Variants in NTN4 observed in about 807,000 individuals in gnomAD.
The protein encoded by NTN4 is netrin-4.
Under a neutral mutation model 73.6 loss-of-function variants are expected in NTN4, and 32 were observed. That is an observed-to-expected ratio of 0.44 (90% CI 0.33 to 0.58). The LOEUF (loss-of-function observed/expected upper bound fraction) is 0.58, where lower values mean the gene tolerates loss of function less well. NTN4 is among the 20% of genes least tolerant of loss of function. NTN4 has a pLI of 0.04. For missense variants in NTN4, 654 were observed against 798.3 expected, an observed-to-expected ratio of 0.82 and a Z score of 2.18; for synonymous variants, 258 against 287.5, an observed-to-expected ratio of 0.90 and a Z score of 1.04.
intron 7 of NTN4, among the ~76,000 whole-genome samples, chr12:95,678,740 A>T (rs34528271): frequency 0.14 from 20,651 of 152,124 alleles, 1,620 homozygotes; most frequent in African/African-American, 0.21. Flanking sequence ...GAATCAGTAA[A>T]CAAGTTCAGC....
intron 3 of NTN4, among the ~76,000 whole-genome samples, chr12:95,716,184 TC>T (rs2078603776): frequency 6.6e-6 from 1 of 151,960 alleles, no homozygotes; most frequent in Admixed American, 6.6e-5. Context: ...GGGAGTTCTA[TC>T]TAAGGAGGGC....
chr12:95,661,953 T>C (rs142053106), intron 9 of NTN4, among the ~76,000 whole-genome samples: 35 of 152,148 alleles, frequency 2.3e-4, no homozygotes, highest in African/African-American at 7.7e-4. Flanking sequence ...AGTTGGGAAA[T>C]AGAAATATGA....
chr12:95,758,063 CATT>C (rs548330084), intron 2 of NTN4, among the ~76,000 whole-genome samples: 167 of 152,234 alleles, frequency 1.1e-3, no homozygotes, highest in Non-Finnish European at 2.1e-3. Flanking sequence ...ACGCAGAAGT[CATT>C]ATAAGCATGT....
In NTN4 at chr12:95,677,836, G is replaced by T. The variant is rs549158379; in HGVS notation, c.1510+4871C>A. ...TTTGGCCCAGCAATCCCATTACTGG[G>T]TATACACCCAAAGGATTCTAAATCA... On this transcript the variant is annotated intron_variant, in intron 7 of 9. Transcript: ENST00000343702. 3.3e-5 allele frequency among the ~76,000 whole-genome samples: 5 copies of T among 152,294 alleles called. No individual in the cohort carries two copies. In the East Asian group the frequency reaches 9.6e-4, roughly 29 times the overall value.
chr12:95,758,755 G>A (rs972954843), intron 2 of NTN4, among the ~76,000 whole-genome samples: 49 of 152,022 alleles, frequency 3.2e-4, no homozygotes, highest in African/African-American at 1.1e-3. Flanking sequence ...TGTAGAGATG[G>A]GATCTCCCTA....
intron 2 of NTN4, among the ~76,000 whole-genome samples, chr12:95,767,570 T>C (rs1442944438): frequency 6.6e-6 from 1 of 152,172 alleles, no homozygotes; most frequent in African/African-American, 2.4e-5. Context: ...GCCAAATAGC[T>C]GCACAAGCTT....
chr12:95,775,644 G>A (rs11108260), intron 2 of NTN4, among the ~76,000 whole-genome samples: 29,192 of 152,240 alleles, frequency 0.19, 3,072 homozygotes, highest in African/African-American at 0.26. Flanking sequence ...AGGGGTGCCC[G>A]CTATTGCTGA....
chr12:95,774,329 G>A (rs936036877), intron 2 of NTN4, among the ~76,000 whole-genome samples: 5 of 152,138 alleles, frequency 3.3e-5, no homozygotes, highest in Admixed American at 6.6e-5. Context: ...CTAGGTTTCA[G>A]TTTCTTTGTC....
intron 5 of NTN4, among the ~76,000 whole-genome samples, chr12:95,692,590 G>T (rs1028480657): frequency 1.3e-5 from 2 of 152,168 alleles, no homozygotes; most frequent in African/African-American, 4.8e-5. Flanking sequence ...TGCTGTGTAG[G>T]ACTTTCTAGC....
In NTN4 at chr12:95,731,698, A is replaced by G. The variant is rs538245002; in HGVS notation, c.864+6168T>C. On this transcript the variant is annotated intron_variant, in intron 3 of 9. Transcript: ENST00000343702. The stretch of plus-strand genomic sequence containing the variant: ...CAGCCTCATCGCCCCTGCCCTCTCC[A>G]ATCCTTTTTCCCCTCCCTCTCTTTT... 4.7e-4 allele frequency among the ~76,000 whole-genome samples: 71 copies of G among 152,190 alleles called. 1 individual carries two copies. Among genetic ancestry groups the G allele is most frequent in the Non-Finnish European group, 9.6e-4 (65 of 68,012 alleles).
At chr12:95,711,363 T>C (rs2078564131) in intron 4 of NTN4, among the ~76,000 whole-genome samples, 1 of 152,188 alleles carries the variant, frequency 6.6e-6, no homozygotes, top group Non-Finnish European at 1.5e-5. Context: ...TTTTACCCTC[T>C]CTTTTGGTAA....
Position 95,668,149 on chromosome 12 carries a change from T to C in NTN4, c.1579+1929A>G, listed in dbSNP as rs1216727939. On this transcript the variant is annotated intron_variant, in intron 8 of 9. Coordinates refer to ENST00000343702, the MANE Select transcript of NTN4 (RefSeq NM_021229.4). ...GTAAGCAAGTAAGTCAAGTGTTTTT[T>C]TTTTTTTTTTCTATTAAGCCAGGGA... Among the ~76,000 whole-genome samples the C allele has an allele frequency of 2.0e-5, 3 of 151,876 alleles. No homozygotes were observed. In the East Asian group the frequency reaches 5.8e-4, roughly 29 times the overall value.
intron 5 of NTN4, among the ~76,000 whole-genome samples, chr12:95,699,272 A>G (rs1304739171): frequency 1.3e-5 from 2 of 152,264 alleles, no homozygotes; most frequent in Non-Finnish European, 2.9e-5. Flanking sequence ...AGAGACCTCA[A>G]TAACCTTTGG....
intron 2 of NTN4, among the ~76,000 whole-genome samples, chr12:95,741,642 A>T (rs2078827929): frequency 7.5e-6 from 1 of 133,104 alleles, no homozygotes. Context: ...TATATATAAA[A>T]ATTATATATA....
intron 3 of NTN4, among the ~76,000 whole-genome samples, chr12:95,722,145 T>C (rs2078653242): frequency 6.6e-6 from 1 of 151,702 alleles, no homozygotes; most frequent in Non-Finnish European, 1.5e-5. Context: ...TCTTTCTCTA[T>C]ACAGCATGGC....
intron 2 of NTN4, among the ~76,000 whole-genome samples, chr12:95,773,161 G>T (rs2079069506): frequency 1.3e-5 from 2 of 151,896 alleles, no homozygotes; most frequent in Non-Finnish European, 2.9e-5. Flanking sequence ...CTGCCACCAC[G>T]CCCAGCTAAT....
Position 95,790,568 on chromosome 12 carries a change from T to G in NTN4, c.-259A>C. On this transcript the variant is annotated 5_prime_UTR_variant, in exon 1 of 10. It removes an upstream start codon present in the reference 5' UTR. Transcript: ENST00000343702. This position sits in a 1 kb window ranked among gnomAD's most constrained non-coding sequence, Gnocchi z 6.5. Reference sequence around the variant, plus strand: ...GGGGGCGGCGGGAGCCCCGGGACCATAGCCGGCCTGGCTGCGCTGCCCCGC... The same window carrying G: ...GGGGGCGGCGGGAGCCCCGGGACCAGAGCCGGCCTGGCTGCGCTGCCCCGC... The G allele has an allele frequency of 3.3e-6, 1 of 299,852 alleles. No individual in the cohort carries two copies. The highest frequency in any genetic ancestry group is 6.1e-6 in the Non-Finnish European group (1 of 163,850). The allele number at this position is 299,852 out of a possible 1,614,324, so 18.6% of individuals were successfully genotyped here.
chr12:95,731,342 C>T (rs1282072669), intron 3 of NTN4, among the ~76,000 whole-genome samples: 6 of 152,056 alleles, frequency 3.9e-5, no homozygotes, highest in Non-Finnish European at 7.4e-5. Flanking sequence ...GCAAGGTGGG[C>T]AGATCACCTG....
rs369195778 is a variant in NTN4, at chr12:95,730,623, G to A, written c.864+7243C>T. On this transcript the variant is annotated intron_variant, in intron 3 of 9. Transcript: ENST00000343702. The stretch of plus-strand genomic sequence containing the variant: ...ACACTAACAATTTCCAGCCATGAAC[G>A]TGAATTTGGCTTGCCCTTCTATTAG... Among the ~76,000 whole-genome samples, 43 of 152,314 alleles carry A rather than the reference G, an allele frequency of 2.8e-4. No individual in the cohort carries two copies. The South Asian group carries it at 8.5e-3, about 30-fold the overall frequency.
Sources: gnomAD v4.1 joint callset for allele counts (sites outside exome capture counted in the v4.1 genomes callset) on GRCh38, gnomAD v4.1.1 for gene constraint, Gnocchi (gnomAD v3.1) non-coding constraint, MANE v1.5 for transcripts, NCBI Gene and HGNC (gene_info 2026-07-23, HGNC 2026-07-21) for gene names.